WDR33: variants seen among roughly 807,000 people sequenced by gnomAD.
WDR33 encodes pre-mRNA 3' end processing protein WDR33.
A neutral mutation model predicts 164.9 loss-of-function variants in WDR33; 47 were observed. The ratio of observed to expected loss-of-function variants is 0.29; its 90% CI spans 0.23 to 0.36. The LOEUF (loss-of-function observed/expected upper bound fraction) is 0.36, where lower values mean the gene tolerates loss of function less well. WDR33 is among the 10% of genes least tolerant of loss of function. The probability of loss-of-function intolerance (pLI) is 1.00; values close to 1 mark genes in which losing one functional copy is unlikely to be tolerated. For synonymous variants in WDR33, 505 were observed against 589.0 expected (o/e 0.86, Z 2.06); for missense variants, 1,137 against 1,754.1 (o/e 0.65, Z 6.28).
intron 18 of WDR33, among the ~76,000 whole-genome samples, chr2:127,711,764 A>ATTTTTTTTTTT (rs1206674701): frequency 2.7e-5 from 2 of 74,624 alleles, no homozygotes; most frequent in African/African-American, 2.5e-4. Context: ...ATATATATAT[A>ATTTTTTTTTTT]TATATATATA....
intron 21 of WDR33, among the ~76,000 whole-genome samples, chr2:127,707,732 A>C (rs1192650936): frequency 6.6e-6 from 1 of 152,242 alleles, no homozygotes; most frequent in Non-Finnish European, 1.5e-5. Flanking sequence ...TGAGAGGCCA[A>C]GGCAGGTGGA....
rs377027047 is a variant in WDR33, at chr2:127,770,143, CA to C, written c.204+634del. Reference sequence around the variant, plus strand: ...GATTTCATATACACTGCAGGTTTAACAAGTGTTTTAAGACTGGCCTAGCGAT... The same window carrying C: ...GATTTCATATACACTGCAGGTTTAACAGTGTTTTAAGACTGGCCTAGCGAT... On this transcript the variant is annotated intron_variant, in intron 2 of 21. Coordinates refer to ENST00000322313, the MANE Select transcript of WDR33 (RefSeq NM_018383.5). The surrounding 1 kb of genome is among the most constrained non-coding windows in gnomAD (Gnocchi z 4.9). Among the ~76,000 whole-genome samples, 773 of 152,300 alleles carry C rather than the reference CA, an allele frequency of 5.1e-3. 13 individuals are homozygous for C. The highest frequency in any genetic ancestry group is 0.017 in the African/African-American group (721 of 41,564).
At position 127,720,437 on chromosome 2, in the gene WDR33, T is replaced by A; in HGVS notation, c.1672-84A>T. 1.4e-6 allele frequency: 2 copies of A among 1,428,312 alleles called. No homozygotes were observed. Among genetic ancestry groups the A allele is most frequent in the Non-Finnish European group, 1.8e-6 (2 of 1,091,252 alleles). 88.5% of individuals were successfully genotyped at this position (1,428,312 alleles called of 1,614,324 possible). A position where few individuals can be genotyped will look rare whatever the true frequency, so the allele number is the denominator to read the frequency against. ...ACAATATTGCTATCATGTATTCTGT[T>A]AGGGGACTCTCAAACATAAAAACTG... On this transcript the variant is annotated intron_variant, in intron 15 of 21. Coordinates refer to ENST00000322313, the MANE Select transcript of WDR33 (RefSeq NM_018383.5). The surrounding 1 kb of genome is among the most constrained non-coding windows in gnomAD (Gnocchi z 5.9).
chr2:127,802,751 G>A (rs1474788296), intron 1 of WDR33, among the ~76,000 whole-genome samples: 1 of 152,082 alleles, frequency 6.6e-6, no homozygotes, highest in Non-Finnish European at 1.5e-5. Flanking sequence ...GGCTGAGGAG[G>A]GAGGAACCGA....
chr2:127,777,547 G>A (rs1348783342), intron 1 of WDR33, among the ~76,000 whole-genome samples: 2 of 152,184 alleles, frequency 1.3e-5, no homozygotes. Flanking sequence ...TTTCAACAAT[G>A]TGGTGACTAT....
chr2:127,771,015 G>T lies in WDR33; in HGVS notation c.-23-11C>A, dbSNP rs1195970153. On this transcript the variant is annotated splice_polypyrimidine_tract_variant and intron_variant, in intron 1 of 21. Transcript: ENST00000322313. ...TTTCCTTCTAGGATACTAGGATAAGGAAAAAGTACTTTCACTACAAATATC... is the reference window on the plus strand; with the variant it reads ...TTTCCTTCTAGGATACTAGGATAAGTAAAAAGTACTTTCACTACAAATATC... 6.3e-7 allele frequency: 1 copy of T among 1,597,202 alleles called. No homozygotes were observed. The highest frequency in any genetic ancestry group is 1.1e-5 in the South Asian group (1 of 89,224).
chr2:127,773,783 A>T (rs1322704970), intron 1 of WDR33, among the ~76,000 whole-genome samples: 1 of 152,118 alleles, frequency 6.6e-6, no homozygotes, highest in Non-Finnish European at 1.5e-5. Context: ...TTTTTATTTG[A>T]GATGGGGTCT....
Position 127,716,691 on chromosome 2 carries a change from T to TA in WDR33, c.2869+463dup, listed in dbSNP as rs1300306350. 3.3e-5 allele frequency among the ~76,000 whole-genome samples: 5 copies of TA among 152,256 alleles called. No homozygotes were observed. Among genetic ancestry groups the TA allele is most frequent in the African/African-American group, 1.2e-4 (5 of 41,464 alleles). On this transcript the variant is annotated intron_variant, in intron 17 of 21. Transcript: ENST00000322313. The surrounding 1 kb of genome is among the most constrained non-coding windows in gnomAD (Gnocchi z 4.5). ...AACAACCTGAGGAGCCACATATGGC[T>TA]AGAGTGCTTTCTTCTTTTCAAATGG...
At chr2:127,752,785 G>C (rs1485540051) in intron 7 of WDR33, among the ~76,000 whole-genome samples, 1 of 152,112 alleles carries the variant, frequency 6.6e-6, no homozygotes, top group African/African-American at 2.4e-5. Context: ...GGTGCTAAAG[G>C]GAAGAGGTCA....
chr2:127,715,139 TG>T (rs1686270190), intron 17 of WDR33, among the ~76,000 whole-genome samples: 1 of 146,316 alleles, frequency 6.8e-6, no homozygotes, highest in South Asian at 2.2e-4. Context: ...GTCACCAGGC[TG>T]GAATGAAGTG....
intron 1 of WDR33, among the ~76,000 whole-genome samples, chr2:127,800,609 CCTGGGCAACATAATGAGA>C (rs1420951775): frequency 6.9e-6 from 1 of 145,794 alleles, no homozygotes; most frequent in East Asian, 2.0e-4. Flanking sequence ...TGCACTCCAG[CCTGGGCAACATAATGAGA>C]CTCCGTCTCA....
intron 1 of WDR33, among the ~76,000 whole-genome samples, chr2:127,800,224 T>A (rs78718073): frequency 0.037 from 5,599 of 152,288 alleles, 243 homozygotes; most frequent in South Asian, 0.17. Flanking sequence ...AGCAGCGTTA[T>A]TAATAATAAT....
chr2:127,742,867 A>T (rs1164965089), intron 7 of WDR33, among the ~76,000 whole-genome samples: 2 of 150,946 alleles, frequency 1.3e-5, no homozygotes, highest in Non-Finnish European at 2.9e-5. Flanking sequence ...AGTTAAAAAA[A>T]AAAAAACAAA....
chr2:127,776,075 C>T (rs1688175157), intron 1 of WDR33, among the ~76,000 whole-genome samples: 1 of 152,192 alleles, frequency 6.6e-6, no homozygotes, highest in East Asian at 1.9e-4. Flanking sequence ...CAAAAATTCA[C>T]AAATGTAAGT....
At chr2:127,711,153 A>T (rs6430946) in intron 18 of WDR33, among the ~76,000 whole-genome samples, 1 of 151,944 alleles carries the variant, frequency 6.6e-6, no homozygotes, top group Non-Finnish European at 1.5e-5. Flanking sequence ...GGCCGGGCAC[A>T]GTGGCTCACA....
chr2:127,769,967 T>G (rs1164945080), intron 2 of WDR33, among the ~76,000 whole-genome samples: 3 of 152,208 alleles, frequency 2.0e-5, no homozygotes, highest in Non-Finnish European at 4.4e-5. Context: ...GCTTTTACCC[T>G]GTAGGACTGC....
chr2:127,733,683 A>C (rs1461414449), intron 7 of WDR33, among the ~76,000 whole-genome samples: 2 of 152,196 alleles, frequency 1.3e-5, no homozygotes, highest in East Asian at 1.9e-4. Context: ...GACAGGAGAG[A>C]TATAGAATAC....
At chr2:127,736,238 C>T (rs1686837557) in intron 7 of WDR33, 5 of 985,400 alleles carry the variant, frequency 5.1e-6, no homozygotes, top group Non-Finnish European at 6.0e-6. Flanking sequence ...CTACATTTGT[C>T]TGGCAATGAT....
At chr2:127,759,261 C>A (rs1464835407) in intron 7 of WDR33, among the ~76,000 whole-genome samples, 1 of 152,176 alleles carries the variant, frequency 6.6e-6, no homozygotes, top group East Asian at 1.9e-4. Context: ...TATGTACCAA[C>A]AAGGACTTTT....
Sources: gnomAD v4.1 joint callset for allele counts (sites outside exome capture counted in the v4.1 genomes callset) on GRCh38, gnomAD v4.1.1 for gene constraint, Gnocchi (gnomAD v3.1) non-coding constraint, MANE v1.5 for transcripts, NCBI Gene and HGNC (gene_info 2026-07-23, HGNC 2026-07-21) for gene names.